The following AXL variants were observed in gnomAD, a reference collection of about 807,000 sequenced individuals.
AXL encodes the protein AXL receptor tyrosine kinase, also known as tyrosine-protein kinase receptor UFO.
In AXL, 52 loss-of-function variants were observed where a neutral mutation model predicts 104.5. The observed-to-expected ratio is 0.50, with a 90% CI of 0.40 to 0.63. The LOEUF (loss-of-function observed/expected upper bound fraction) is 0.63. Ranked by LOEUF, AXL falls within the 20% of genes least tolerant of loss-of-function variation. The pLI is 0.00. For synonymous variants in AXL, 455 were observed against 473.7 expected (o/e 0.96, Z 0.51); for missense variants, 1,024 against 1,188.5 (o/e 0.86, Z 2.04).
intron 14 of AXL, among the ~76,000 whole-genome samples, chr19:41,249,648 C>T (rs1415505577): frequency 6.6e-6 from 1 of 151,562 alleles, no homozygotes; most frequent in Non-Finnish European, 1.5e-5. Context: ...CCCAGCTACT[C>T]GGGAGGCTGA....
At chr19:41,238,407 G>A (rs2034120825) in intron 7 of AXL, 63 bp from the exon 8 acceptor site, 1 of 1,577,356 alleles carries the variant, frequency 6.3e-7, no homozygotes, top group Non-Finnish European at 8.6e-7. Flanking sequence ...CCACTTCCTG[G>A]GAACAGGGGA....
rs866703146 is a variant in AXL at position 41,238,521 on chromosome 19, C to A, written c.1046C>A (p.Ala349Asp). Residue 349 changes from alanine to aspartate, a missense_variant, in exon 8 of 20, where the codon GCC becomes GAC. Physicochemically the swap from Ala to Asp is moderately radical, Grantham distance 126. Transcript: ENST00000301178. ...NISATRNGSQ[A>D]FVHWQEPRAP... is the part of the protein sequence containing the mutation. ...AGTGCTACGCGGAATGGGAGCCAGGCCTTCGTGCATTGGCAAGAGCCCCGG... is the reference window on the plus strand; with the variant it reads ...AGTGCTACGCGGAATGGGAGCCAGGACTTCGTGCATTGGCAAGAGCCCCGG... 2 of 1,614,024 alleles carry A rather than the reference C, an allele frequency of 1.2e-6. No individual in the cohort carries two copies. The highest frequency in any genetic ancestry group is 1.7e-6 in the Non-Finnish European group (2 of 1,179,964).
chr19:41,230,293 AGTAT>A (rs1428157386), intron 4 of AXL, among the ~76,000 whole-genome samples: 1 of 131,186 alleles, frequency 7.6e-6, no homozygotes, highest in East Asian at 2.3e-4. Flanking sequence ...TGTGTGTATG[AGTAT>A]GTATCTCTCT....
chr19:41,258,513 C>T (rs952070328), intron 19 of AXL, among the ~76,000 whole-genome samples: 1 of 152,258 alleles, frequency 6.6e-6, no homozygotes, highest in Admixed American at 6.5e-5. Context: ...CTCCCAGGTT[C>T]TAGCGATTCT....
intron 12 of AXL, chr19:41,243,993 C>A: frequency 3.2e-6 from 1 of 314,224 alleles, no homozygotes; most frequent in Non-Finnish European, 5.9e-6. Context: ...ATCACTTGAG[C>A]CCAGGAGTTC....
rs2034529906 is a variant in AXL at position 41,260,883 on chromosome 19, T to A, written c.*979T>A. On this transcript the variant is annotated 3_prime_UTR_variant, in exon 20 of 20. Transcript: ENST00000301178. ...TGTTCTAAGGCTCTGAGAGTCTAGATTCTCTGGCTGTAAGGCTCTAGATCA... is the reference window on the plus strand; with the variant it reads ...TGTTCTAAGGCTCTGAGAGTCTAGAATCTCTGGCTGTAAGGCTCTAGATCA... The A allele has an allele frequency of 6.6e-6, 1 of 152,198 alleles. No individual in the cohort carries two copies. Among genetic ancestry groups the A allele is most frequent in the Admixed American group, 6.5e-5 (1 of 15,270 alleles). 9.4% of individuals were successfully genotyped at this position (152,198 alleles called of 1,614,324 possible).
intron 5 of AXL, 52 bp downstream of exon 5, chr19:41,231,099 C>G: frequency 6.2e-7 from 1 of 1,611,772 alleles, no homozygotes; most frequent in Non-Finnish European, 8.5e-7. Flanking sequence ...GGGTTTGGGT[C>G]CGGGGTCAGA....
rs562642885 is a variant in AXL at position 41,257,985 on chromosome 19, T to C, written c.2333+356T>C. ...TCATTCCAGACTCCTGAGCACACCA[T>C]GCTTCCCCGACATGCTCCTCAACAC... On this transcript the variant is annotated intron_variant, in intron 19 of 19. Coordinates refer to ENST00000301178, the MANE Select transcript of AXL (RefSeq NM_021913.5). 2.8e-4 allele frequency among the ~76,000 whole-genome samples: 43 copies of C among 152,358 alleles called. 1 individual carries two copies. In the South Asian group the frequency reaches 8.7e-3, roughly 31 times the overall value.
chr19:41,252,232 A>G, intron 14 of AXL, 119 bp from the exon 15 acceptor site: 1 of 831,548 alleles, frequency 1.2e-6, no homozygotes, highest in Non-Finnish European at 2.0e-6. Context: ...CCTGGTACTT[A>G]CTAATCATGT....
chr19:41,241,138 G>A (rs894270628), intron 10 of AXL, among the ~76,000 whole-genome samples: 10 of 151,914 alleles, frequency 6.6e-5, no homozygotes, highest in East Asian at 1.9e-4. Context: ...AAGACTTCAC[G>A]AATACTCTTC....
intron 19 of AXL, among the ~76,000 whole-genome samples, chr19:41,258,455 C>G (rs546762690): frequency 6.6e-6 from 1 of 152,236 alleles, no homozygotes; most frequent in Middle Eastern, 3.2e-3. Flanking sequence ...GAGTCTCGCT[C>G]TGTCGCCCAG....
At chr19:41,220,614 A>T in intron 1 of AXL, 22 bp from the exon 2 acceptor site, 1 of 1,547,470 alleles carries the variant, frequency 6.5e-7, no homozygotes, top group Non-Finnish European at 8.7e-7. Context: ...TCCTAAGCTA[A>T]CTCTTCCCAT....
Position 41,243,612 on chromosome 19 carries a change from C to G in AXL, c.1446-4C>G, listed in dbSNP as rs756248934. On this transcript the variant is annotated splice_region_variant and splice_polypyrimidine_tract_variant and intron_variant, in intron 11 of 19. Transcript: ENST00000301178. ...TGCCCTCACCTACTCCCCCTCCCCC[C>G]CAGAGAAGTGTTTGAACCAACAGTG... is the stretch of plus-strand genomic sequence containing the variant. 3.0e-5 allele frequency: 48 copies of G among 1,613,640 alleles called. No homozygotes were observed. The highest frequency in any genetic ancestry group is 1.7e-4 in the Middle Eastern group (1 of 6,060).
intron 1 of AXL, 25 bp from the exon 2 acceptor site, chr19:41,220,611 C>T (rs1000125301): frequency 2.6e-6 from 4 of 1,544,878 alleles, no homozygotes; most frequent in Non-Finnish European, 3.5e-6. Context: ...GGTTCCTAAG[C>T]TAACTCTTCC....
chr19:41,240,253 G>T (rs1374606439), intron 10 of AXL, among the ~76,000 whole-genome samples: 1 of 150,908 alleles, frequency 6.6e-6, no homozygotes, highest in Non-Finnish European at 1.5e-5. Context: ...GAGGGTGGAT[G>T]GATGGATGGT....
At chr19:41,254,356 G>A (rs1388148822) in intron 17 of AXL, among the ~76,000 whole-genome samples, 13 of 138,140 alleles carry the variant, frequency 9.4e-5, no homozygotes, top group Non-Finnish European at 1.8e-4. Context: ...CAGCCTGGGC[G>A]ACAGAGCAAG....
rs55767963 is a variant in AXL, at chr19:41,220,703, G to A, written c.153G>A (p.Thr51=). 1.7e-4 allele frequency: 279 copies of A among 1,613,150 alleles called. 1 individual carries two copies. The highest frequency in any genetic ancestry group is 5.2e-4 in the South Asian group (47 of 90,866). ...PGNITGARGL[T]GTLRCQLQVQ... ...ATATCACAGGTGCCCGGGGACTCACGGGCACCCTTCGGTGTCAGCTCCAGG... is the reference window on the plus strand; with the variant it reads ...ATATCACAGGTGCCCGGGGACTCACAGGCACCCTTCGGTGTCAGCTCCAGG... The change falls in exon 2 of 20, where the codon ACG becomes ACA. Residue 51 remains threonine, a synonymous_variant. Transcript: ENST00000301178.
intron 4 of AXL, among the ~76,000 whole-genome samples, chr19:41,226,228 G>C (rs1051535907): frequency 1.3e-5 from 2 of 152,122 alleles, no homozygotes; most frequent in East Asian, 3.9e-4. Context: ...CGGTCGGAAC[G>C]GGACCCGGCT....
rs1160806520 is a variant in AXL, at chr19:41,253,585, C to T, written c.1927-14C>T. 14 of 1,600,702 alleles carry T rather than the reference C, an allele frequency of 8.7e-6. No individual in the cohort carries two copies. The highest frequency in any genetic ancestry group is 1.2e-5 in the Non-Finnish European group (14 of 1,169,332). On this transcript the variant is annotated splice_polypyrimidine_tract_variant and intron_variant, in intron 16 of 19. Coordinates refer to ENST00000301178, the MANE Select transcript of AXL (RefSeq NM_021913.5). ...CTCTGTTGACCTCTCCTCCCACCTG[C>T]CTTGGCTCCCCAGTACCTGCCCACT... is the stretch of plus-strand genomic sequence containing the variant.
Sources: gnomAD v4.1 joint callset for allele counts (sites outside exome capture counted in the v4.1 genomes callset) on GRCh38, gnomAD v4.1.1 for gene constraint, MANE v1.5 for transcripts, NCBI Gene and HGNC (gene_info 2026-07-23, HGNC 2026-07-21) for gene names.